SPATA22: variants seen among roughly 807,000 people sequenced by gnomAD.
SPATA22 encodes spermatogenesis associated 22.
In SPATA22, 29 loss-of-function variants were observed where a neutral mutation model predicts 47.8. That is an observed-to-expected ratio of 0.61 (90% CI 0.45 to 0.83). The LOEUF (loss-of-function observed/expected upper bound fraction) is 0.83. Ranked by LOEUF, SPATA22 falls within the 40% of genes least tolerant of loss-of-function variation. SPATA22 has a pLI of 0.00. For synonymous variants in SPATA22, 133 were observed against 140.9 expected (o/e 0.94, Z 0.40); for missense variants, 410 against 421.7 (o/e 0.97, Z 0.24).
intron 5 of SPATA22, among the ~76,000 whole-genome samples, chr17:3,453,406 T>G (rs1023456227): frequency 1.3e-5 from 2 of 152,080 alleles, no homozygotes; most frequent in Non-Finnish European, 2.9e-5. Flanking sequence ...GTAGCAGAAT[T>G]AAAGACAAAA....
At chr17:3,504,220 C>T (rs55656102) in intron 1 of SPATA22, among the ~76,000 whole-genome samples, 27,353 of 152,146 alleles carry the variant, frequency 0.18, 2,700 homozygotes, top group Middle Eastern at 0.27. Context: ...ACTTTGTTGC[C>T]ACTTTGCCCC....
chr17:3,485,368 C>T lies in SPATA22; in HGVS notation c.-73-15970G>A, dbSNP rs1034509858. Among the ~76,000 whole-genome samples the T allele has an allele frequency of 1.3e-5, 2 of 152,088 alleles. No homozygotes were observed. The highest frequency in any genetic ancestry group is 4.8e-5 in the African/African-American group (2 of 41,398). The stretch of plus-strand genomic sequence containing the variant: ...CAGACTTATACAAACTTATCCATTC[C>T]TTCCCATGCAGGTTCTATAACTATA... On this transcript the variant is annotated intron_variant, in intron 1 of 8. Transcript: ENST00000541913. This position sits in a 1 kb window ranked among gnomAD's most constrained non-coding sequence, Gnocchi z 4.4.
chr17:3,455,083 C>T (rs1479270886), intron 5 of SPATA22, among the ~76,000 whole-genome samples: 1 of 152,184 alleles, frequency 6.6e-6, no homozygotes, highest in Non-Finnish European at 1.5e-5. Flanking sequence ...TGTCTTTTGG[C>T]TGCATAAATG....
chr17:3,445,520 G>A (rs752562327), intron 7 of SPATA22, among the ~76,000 whole-genome samples: 7 of 152,100 alleles, frequency 4.6e-5, no homozygotes, highest in Non-Finnish European at 5.9e-5. Flanking sequence ...AGTATAGAAC[G>A]CAGTCAAGCC....
chr17:3,506,855 T>G (rs2074044712), intron 1 of SPATA22, among the ~76,000 whole-genome samples: 1 of 152,016 alleles, frequency 6.6e-6, no homozygotes, highest in Non-Finnish European at 1.5e-5. Context: ...GCAGGAGAAT[T>G]GCTTGAAGCC....
At chr17:3,477,242 G>A (rs2073540962) in intron 1 of SPATA22, among the ~76,000 whole-genome samples, 1 of 152,198 alleles carries the variant, frequency 6.6e-6, no homozygotes, top group Non-Finnish European at 1.5e-5. Flanking sequence ...ATGGTGGATT[G>A]TTGTAGATGG....
chr17:3,462,816 T>C (rs1405815691), intron 3 of SPATA22, 49 bp from the exon 4 acceptor site: 1 of 1,392,646 alleles, frequency 7.2e-7, no homozygotes, highest in Admixed American at 1.7e-5. Flanking sequence ...GTAGTATTTT[T>C]CAAAATGATA....
At position 3,458,855 on chromosome 17, in the gene SPATA22, CAAAAA is replaced by C. The variant is rs545223532; in HGVS notation, c.329+3623_329+3627del. The stretch of plus-strand genomic sequence containing the variant: ...CCTGGGCAACAAGAGCGAAACTTCA[CAAAAA>C]AAAAAAAAAAAAAAAAAAAATTCCA... On this transcript the variant is annotated intron_variant, in intron 5 of 8. Transcript: ENST00000572969. Among the ~76,000 whole-genome samples, 14 of 38,344 alleles carry C rather than the reference CAAAAA, an allele frequency of 3.7e-4. No homozygotes were observed. In the South Asian group the frequency reaches 0.012, roughly 34 times the overall value. 25.2% of individuals were successfully genotyped at this position (38,344 alleles called of 152,430 possible).
intron 8 of SPATA22, among the ~76,000 whole-genome samples, chr17:3,442,507 T>C (rs1351796167): frequency 1.3e-5 from 2 of 151,848 alleles, no homozygotes; most frequent in African/African-American, 2.4e-5. Context: ...TGTAGGTCTA[T>C]AGCCTCCTTT....
chr17:3,476,200 T>C (rs1336464884), upstream of SPATA22: 5 of 1,613,930 alleles, frequency 3.1e-6, no homozygotes, highest in African/African-American at 2.7e-5. Context: ...ATACAAAAGG[T>C]TGCTATCTTT....
intron 1 of SPATA22, among the ~76,000 whole-genome samples, chr17:3,497,894 A>G (rs2073934819): frequency 6.6e-6 from 1 of 152,158 alleles, no homozygotes; most frequent in Non-Finnish European, 1.5e-5. Context: ...AAATCCCCAG[A>G]TGATTTACAA....
chr17:3,481,482 C>T, intron 1 of SPATA22: 1 of 891,356 alleles, frequency 1.1e-6, no homozygotes, highest in Non-Finnish European at 1.7e-6. Context: ...TTTTTACTTA[C>T]CACACAGATT....
intron 1 of SPATA22, among the ~76,000 whole-genome samples, chr17:3,507,243 T>G (rs2074049379): frequency 6.6e-6 from 1 of 151,994 alleles, no homozygotes. Flanking sequence ...TTTTAAAAAA[T>G]AAAACAGAAA....
intron 1 of SPATA22, chr17:3,513,075 T>G (rs767061806): frequency 2.6e-5 from 4 of 152,464 alleles, no homozygotes; most frequent in African/African-American, 4.8e-5. Flanking sequence ...ATGCAGACTT[T>G]TGTGTGTGTG....
At chr17:3,483,166 T>C (rs1172129786) in intron 1 of SPATA22, among the ~76,000 whole-genome samples, 5 of 152,072 alleles carry the variant, frequency 3.3e-5, no homozygotes, top group Admixed American at 2.6e-4. Context: ...GCTAAATAGT[T>C]AGTGTAACCA....
chr17:3,477,313 T>C (rs1410338687), intron 1 of SPATA22, among the ~76,000 whole-genome samples: 1 of 152,214 alleles, frequency 6.6e-6, no homozygotes, highest in African/African-American at 2.4e-5. Flanking sequence ...TTTTGCTGAT[T>C]TGTAATATAT....
intron 5 of SPATA22, among the ~76,000 whole-genome samples, chr17:3,458,660 T>C (rs2073049601): frequency 6.6e-6 from 1 of 151,692 alleles, no homozygotes; most frequent in African/African-American, 2.4e-5. Context: ...CTGGCCAACA[T>C]GGTGAAACCC....
chr17:3,454,180 T>C (rs2072928656), intron 5 of SPATA22, among the ~76,000 whole-genome samples: 2 of 150,522 alleles, frequency 1.3e-5, no homozygotes, highest in East Asian at 1.9e-4. Context: ...GAGAAAGGTC[T>C]ATACACTAAA....
At chr17:3,476,324 C>T, upstream of SPATA22, 1 of 1,614,178 alleles carries the variant, frequency 6.2e-7, no homozygotes, top group Non-Finnish European at 8.5e-7. Flanking sequence ...TTACTAACCC[C>T]AGAGCAGTGA....
Sources: gnomAD v4.1 joint callset for allele counts (sites outside exome capture counted in the v4.1 genomes callset) on GRCh38, gnomAD v4.1.1 for gene constraint, Gnocchi (gnomAD v3.1) non-coding constraint, MANE v1.5 for transcripts, NCBI Gene and HGNC (gene_info 2026-07-23, HGNC 2026-07-21) for gene names.